Variants in CTNNA2 observed in about 807,000 individuals in gnomAD.
CTNNA2 encodes catenin alpha-2.
In CTNNA2, 42 loss-of-function variants were observed where a neutral mutation model predicts 101.0. The observed-to-expected ratio is 0.42, with a 90% CI of 0.32 to 0.54. CTNNA2 has a LOEUF of 0.54. Ranked by LOEUF, CTNNA2 falls within the 20% of genes least tolerant of loss-of-function variation. The probability of loss-of-function intolerance (pLI) is 0.14; values close to 1 mark genes in which losing one functional copy is unlikely to be tolerated. For missense variants in CTNNA2, 871 were observed against 1,223.1 expected (o/e 0.71, Z 4.29); for synonymous variants, 450 against 456.4 (o/e 0.99, Z 0.18).
chr2:80,467,062 G>A (rs1190686994), intron 9 of CTNNA2, among the ~76,000 whole-genome samples: 2 of 152,162 alleles, frequency 1.3e-5, no homozygotes, highest in Non-Finnish European at 2.9e-5. Context: ...TTTACTCATA[G>A]CCTTATTAAT....
At chr2:80,244,984 G>T (rs1385451045) in intron 7 of CTNNA2, among the ~76,000 whole-genome samples, 8 of 152,114 alleles carry the variant, frequency 5.3e-5, no homozygotes, top group Non-Finnish European at 8.8e-5. Flanking sequence ...TGACAAAGCG[G>T]GCGTTTTTAT....
chr2:80,325,042 A>T (rs1055375879), intron 7 of CTNNA2, among the ~76,000 whole-genome samples: 1 of 152,228 alleles, frequency 6.6e-6, no homozygotes, highest in African/African-American at 2.4e-5. Context: ...CTAAAATATA[A>T]GCTTCATGAG....
At chr2:80,103,622 C>T (rs1700688978) in intron 7 of CTNNA2, among the ~76,000 whole-genome samples, 1 of 152,230 alleles carries the variant, frequency 6.6e-6, no homozygotes, top group Admixed American at 6.5e-5. Flanking sequence ...TTCTGTGTGT[C>T]TACTACCAAT....
chr2:79,666,086 T>C (rs1682396951), intron 2 of CTNNA2, among the ~76,000 whole-genome samples: 1 of 152,212 alleles, frequency 6.6e-6, no homozygotes, highest in African/African-American at 2.4e-5. Flanking sequence ...GCAGACTTTT[T>C]CAAGCACAGT....
chr2:80,125,626 AGAGAATG>A (rs1446523475), intron 7 of CTNNA2, among the ~76,000 whole-genome samples: 1 of 152,170 alleles, frequency 6.6e-6, no homozygotes, highest in African/African-American at 2.4e-5. Flanking sequence ...CCAGGTGGCA[AGAGAATG>A]GTTCTCATCA....
At chr2:79,509,014 A>T (rs62141441), upstream of CTNNA2, among the ~76,000 whole-genome samples, 3,997 of 84,632 alleles carry the variant, frequency 0.047, 199 homozygotes, top group Admixed American at 0.068. Context: ...TATATATATA[A>T]ACAATTACCT....
intron 6 of CTNNA2, among the ~76,000 whole-genome samples, chr2:79,886,412 G>T (rs1053132572): frequency 6.6e-6 from 1 of 151,970 alleles, no homozygotes; most frequent in African/African-American, 2.4e-5. Flanking sequence ...CTTGCAAGTG[G>T]CTGGGCTTCA....
Position 79,785,634 on chromosome 2 carries a change from A to C in CTNNA2, c.298+41052A>C, listed in dbSNP as rs552489628. ...GTTATTTTTCTATATTTTCCAGAATATTTAATCCATGGGGGCAGGGATATT... is the reference window on the plus strand; with the variant it reads ...GTTATTTTTCTATATTTTCCAGAATCTTTAATCCATGGGGGCAGGGATATT... On this transcript the variant is annotated intron_variant, in intron 3 of 18. Transcript: ENST00000402739. 2.0e-4 allele frequency among the ~76,000 whole-genome samples: 31 copies of C among 152,240 alleles called. 1 individual carries two copies. Among genetic ancestry groups the C allele is most frequent in the African/African-American group, 7.5e-4 (31 of 41,554 alleles).
At chr2:80,590,898 A>G (rs1180063344) in intron 15 of CTNNA2, among the ~76,000 whole-genome samples, 1 of 152,162 alleles carries the variant, frequency 6.6e-6, no homozygotes, top group African/African-American at 2.4e-5. Context: ...AACTTCTACA[A>G]ATCAGACGAT....
intron 7 of CTNNA2, among the ~76,000 whole-genome samples, chr2:80,104,341 G>A (rs1379870423): frequency 1.3e-5 from 2 of 152,190 alleles, no homozygotes; most frequent in African/African-American, 4.8e-5. Context: ...TAGATGGAAT[G>A]CCTGACTGAA....
chr2:79,427,892 G>A (rs755748350), intron 4 of CTNNA2, among the ~76,000 whole-genome samples: 4 of 152,050 alleles, frequency 2.6e-5, no homozygotes, highest in Non-Finnish European at 4.4e-5. Context: ...TAATTTTGTG[G>A]AGTAATAAAC....
At chr2:79,564,818 C>T (rs1322664312) in intron 1 of CTNNA2, among the ~76,000 whole-genome samples, 1 of 152,052 alleles carries the variant, frequency 6.6e-6, no homozygotes, top group African/African-American at 2.4e-5. Flanking sequence ...CTTCTTCTTT[C>T]GCTCTGGGAT....
intron 6 of CTNNA2, among the ~76,000 whole-genome samples, chr2:79,898,584 C>A (rs540027258): frequency 2.6e-5 from 4 of 152,262 alleles, no homozygotes; most frequent in African/African-American, 9.6e-5. Context: ...AGGAACGGTT[C>A]TTGCATTTAT....
At chr2:79,875,413 T>C (rs1682943418) in intron 6 of CTNNA2, among the ~76,000 whole-genome samples, 1 of 152,292 alleles carries the variant, frequency 6.6e-6, no homozygotes, top group East Asian at 1.9e-4. Flanking sequence ...CTAAACACCA[T>C]TTAATTGATA....
chr2:80,027,845 C>T (rs1053927309), intron 7 of CTNNA2, among the ~76,000 whole-genome samples: 3 of 151,490 alleles, frequency 2.0e-5, no homozygotes, highest in African/African-American at 7.3e-5. Flanking sequence ...TGGTCACATG[C>T]ACCAGTAGTC....
At chr2:80,628,325 A>C (rs1470630374) in intron 18 of CTNNA2, among the ~76,000 whole-genome samples, 1 of 152,094 alleles carries the variant, frequency 6.6e-6, no homozygotes, top group African/African-American at 2.4e-5. Flanking sequence ...CTAAGCAAAA[A>C]GAACAAAGCT....
chr2:79,340,659 C>A (rs968221255), intron 3 of CTNNA2, among the ~76,000 whole-genome samples: 2 of 151,896 alleles, frequency 1.3e-5, no homozygotes, highest in Middle Eastern at 3.2e-3. Context: ...CGGTGAAACC[C>A]TGTCTCTACT....
chr2:79,880,687 G>T (rs1490300128), intron 6 of CTNNA2, among the ~76,000 whole-genome samples: 1 of 143,410 alleles, frequency 7.0e-6, no homozygotes, highest in East Asian at 2.2e-4. Context: ...TTTTTATTGT[G>T]CCTATTTGAT....
At chr2:79,586,996 G>A (rs1676536439) in intron 1 of CTNNA2, among the ~76,000 whole-genome samples, 1 of 152,100 alleles carries the variant, frequency 6.6e-6, no homozygotes, top group South Asian at 2.1e-4. Context: ...AAAGGCCATT[G>A]TTTCATTCCA....
Sources: allele counts gnomAD v4.1 joint callset (sites outside exome capture counted in the v4.1 genomes callset), GRCh38; gene constraint gnomAD v4.1.1; transcripts MANE v1.5; gene names NCBI Gene and HGNC (gene_info 2026-07-23, HGNC 2026-07-21).